Variants in NUBPL observed in about 807,000 individuals in gnomAD.
The protein encoded by NUBPL is iron-sulfur cluster transfer protein NUBPL.
In NUBPL, 31 loss-of-function variants were observed where a neutral mutation model predicts 45.7. That is an observed-to-expected ratio of 0.68 (90% CI 0.51 to 0.92). The LOEUF (loss-of-function observed/expected upper bound fraction) is 0.92. Among genes scored for constraint, NUBPL ranks in the 40% least tolerant of loss-of-function variants. The probability of loss-of-function intolerance (pLI) is 0.00; values close to 1 mark genes in which losing one functional copy is unlikely to be tolerated. For synonymous variants in NUBPL, 144 were observed against 140.9 expected (o/e 1.02, Z -0.15); for missense variants, 401 against 398.7 (o/e 1.01, Z -0.05).
intron 6 of NUBPL, among the ~76,000 whole-genome samples, chr14:31,735,072 G>A (rs573105933): frequency 1.3e-4 from 20 of 152,100 alleles, no homozygotes; most frequent in Admixed American, 1.1e-3. Context: ...AGCATCTTTG[G>A]CTTCTGTCTT....
chr14:31,750,990 G>A (rs2038513870), intron 6 of NUBPL, among the ~76,000 whole-genome samples: 1 of 152,180 alleles, frequency 6.6e-6, no homozygotes, highest in African/African-American at 2.4e-5. Flanking sequence ...GAGAGAGAGA[G>A]AGAGTGAAGA....
In NUBPL at chr14:31,846,301, C is replaced by T. The variant is rs2040450852; in HGVS notation, c.694-170C>T. 1.6e-5 allele frequency: 10 copies of T among 632,538 alleles called. No homozygotes were observed. The South Asian group carries it at 1.8e-4, about 12-fold the overall frequency. 39.2% of individuals were successfully genotyped at this position (632,538 alleles called of 1,614,324 possible). On this transcript the variant is annotated intron_variant, in intron 8 of 10. Transcript: ENST00000281081. ...CAAAGGTAATTCTATATGTCTTGCT[C>T]TCTTACTAGCTCATGAGTTCCTTCA...
At chr14:31,635,611 T>A (rs1243229697) in intron 4 of NUBPL, among the ~76,000 whole-genome samples, 1 of 151,930 alleles carries the variant, frequency 6.6e-6, no homozygotes, top group African/African-American at 2.4e-5. Context: ...AAGTAGTTTT[T>A]TCCAATTCTG....
At chr14:31,783,724 G>C (rs1009674234) in intron 6 of NUBPL, among the ~76,000 whole-genome samples, 2 of 152,112 alleles carry the variant, frequency 1.3e-5, no homozygotes, top group Admixed American at 1.3e-4. Context: ...CACCATGTTG[G>C]CTAGGCTGGT....
intron 7 of NUBPL, among the ~76,000 whole-genome samples, chr14:31,799,568 A>G (rs2039544535): frequency 6.6e-6 from 1 of 152,348 alleles, no homozygotes; most frequent in East Asian, 1.9e-4. Context: ...AGCAAGTTGC[A>G]TGAACTTTTT....
chr14:31,647,498 G>A (rs2035887616), intron 4 of NUBPL, among the ~76,000 whole-genome samples: 1 of 152,166 alleles, frequency 6.6e-6, no homozygotes, highest in South Asian at 2.1e-4. Flanking sequence ...AAATGGGGGA[G>A]GTCTCAAATG....
intron 6 of NUBPL, among the ~76,000 whole-genome samples, chr14:31,777,215 C>T (rs2039112471): frequency 6.6e-6 from 1 of 152,184 alleles, no homozygotes; most frequent in Admixed American, 6.5e-5. Context: ...CAGTCAGCTA[C>T]TCAGGATCCA....
intron 6 of NUBPL, among the ~76,000 whole-genome samples, chr14:31,714,162 A>C (rs975641357): frequency 2.0e-5 from 3 of 152,270 alleles, no homozygotes; most frequent in African/African-American, 4.8e-5. Context: ...GCCTCTATGT[A>C]AGATGTTTTG....
At chr14:31,826,424 T>C (rs1388224139) in intron 7 of NUBPL, among the ~76,000 whole-genome samples, 2 of 152,038 alleles carry the variant, frequency 1.3e-5, no homozygotes, top group Non-Finnish European at 2.9e-5. Context: ...CCCGGCCCAG[T>C]TGTGATTTTA....
intron 6 of NUBPL, among the ~76,000 whole-genome samples, chr14:31,775,836 G>T (rs2039089320): frequency 6.7e-6 from 1 of 148,530 alleles, no homozygotes; most frequent in Admixed American, 6.7e-5. Flanking sequence ...TTTACCAAAG[G>T]TAGGGTTACC....
intron 4 of NUBPL, among the ~76,000 whole-genome samples, chr14:31,625,628 A>T (rs914225028): frequency 2.0e-5 from 3 of 151,918 alleles, no homozygotes; most frequent in Admixed American, 1.3e-4. Context: ...GGGGCATGCC[A>T]CCACACCTGG....
At chr14:31,574,046 A>G (rs561440022) in intron 3 of NUBPL, among the ~76,000 whole-genome samples, 3 of 152,308 alleles carry the variant, frequency 2.0e-5, no homozygotes, top group African/African-American at 7.2e-5. Flanking sequence ...GCAAATTCCA[A>G]GTGTTGGATA....
At chr14:31,836,525 A>T (rs972140500) in intron 8 of NUBPL, among the ~76,000 whole-genome samples, 7 of 152,224 alleles carry the variant, frequency 4.6e-5, no homozygotes, top group African/African-American at 1.7e-4. Context: ...GGAAGACATC[A>T]TAATGGACTT....
intron 3 of NUBPL, among the ~76,000 whole-genome samples, chr14:31,596,345 C>T (rs1160923245): frequency 2.0e-5 from 3 of 152,168 alleles, no homozygotes; most frequent in Non-Finnish European, 4.4e-5. Flanking sequence ...ACTGAGATAG[C>T]TCCTCTGACG....
intron 8 of NUBPL, among the ~76,000 whole-genome samples, chr14:31,831,041 T>G (rs914297102): frequency 6.6e-6 from 1 of 151,682 alleles, no homozygotes; most frequent in Non-Finnish European, 1.5e-5. Context: ...ATCCTTTTTA[T>G]TTATTTATTT....
chr14:31,760,656 C>A (rs2038787540), intron 6 of NUBPL, among the ~76,000 whole-genome samples: 1 of 152,118 alleles, frequency 6.6e-6, no homozygotes, highest in African/African-American at 2.4e-5. Flanking sequence ...GATTTCCTTC[C>A]CTTTTTCAGG....
intron 7 of NUBPL, among the ~76,000 whole-genome samples, chr14:31,817,876 A>C (rs1460524007): frequency 6.6e-6 from 1 of 152,210 alleles, no homozygotes; most frequent in African/African-American, 2.4e-5. Flanking sequence ...AAATTGGATA[A>C]AGAGTCAAGA....
chr14:31,729,099 G>A (rs2037988736), intron 6 of NUBPL, among the ~76,000 whole-genome samples: 1 of 152,116 alleles, frequency 6.6e-6, no homozygotes, highest in Non-Finnish European at 1.5e-5. Flanking sequence ...TGGCCAACAT[G>A]GAGAAACCCC....
intron 6 of NUBPL, among the ~76,000 whole-genome samples, chr14:31,688,597 A>G (rs539187240): frequency 6.6e-6 from 1 of 150,430 alleles, no homozygotes; most frequent in Non-Finnish European, 1.5e-5. Flanking sequence ...AAAAAGAAAA[A>G]AAAAAAAAAA....
Sources: allele counts gnomAD v4.1 joint callset (sites outside exome capture counted in the v4.1 genomes callset), GRCh38; gene constraint gnomAD v4.1.1; transcripts MANE v1.5; gene names NCBI Gene and HGNC (gene_info 2026-07-23, HGNC 2026-07-21).